LRRK2: variants seen among roughly 807,000 people sequenced by gnomAD.
The protein encoded by LRRK2 is leucine rich repeat kinase 2.
Under a neutral mutation model 302.6 loss-of-function variants are expected in LRRK2, and 203 were observed. The observed-to-expected ratio is 0.67, with a 90% CI of 0.60 to 0.75. The LOEUF is 0.75. LRRK2 is among the 30% of genes least tolerant of loss of function. The pLI is 0.00. For synonymous variants in LRRK2, 1,066 were observed against 1,031.9 expected, an observed-to-expected ratio of 1.03 and a Z score of -0.63; for missense variants, 2,830 against 2,951.0, an observed-to-expected ratio of 0.96 and a Z score of 0.95.
At chr12:40,296,058 T>C (rs1451999597) in intron 23 of LRRK2, among the ~76,000 whole-genome samples, 1 of 152,230 alleles carries the variant, frequency 6.6e-6, no homozygotes, top group Non-Finnish European at 1.5e-5. Flanking sequence ...CTCCGCCTGC[T>C]CTAATCCTTC....
chr12:40,232,777 T>C (rs2136397991), intron 3 of LRRK2: 1 of 167,206 alleles, frequency 6.0e-6, no homozygotes, highest in African/African-American at 2.4e-5. Flanking sequence ...AAGTAGTAAT[T>C]TGAAAGTTGA....
intron 7 of LRRK2, among the ~76,000 whole-genome samples, chr12:40,247,840 G>T (rs868185661): frequency 6.8e-6 from 1 of 147,788 alleles, no homozygotes. Context: ...TTTTTGATAC[G>T]TACAACTATC....
At position 40,346,934 on chromosome 12, in the gene LRRK2, T is replaced by C. The variant is rs539299229; in HGVS notation, c.6280+11T>C. The stretch of plus-strand genomic sequence containing the variant: ...AAGGAAAATTACCTGGTAAGTTCTG[T>C]TTTCTCTACAATGAAGATTTTTTTT... On this transcript the variant is annotated intron_variant, in intron 42 of 50. Transcript: ENST00000298910. The C allele has an allele frequency of 8.1e-6, 13 of 1,604,392 alleles. 1 individual carries two copies. The highest frequency in any genetic ancestry group is 2.0e-4 in the Middle Eastern group (1 of 5,126).
intron 2 of LRRK2, among the ~76,000 whole-genome samples, chr12:40,226,825 C>G (rs2136372051): frequency 6.6e-6 from 1 of 152,246 alleles, no homozygotes; most frequent in Admixed American, 6.5e-5. Flanking sequence ...CTGCTCTGCA[C>G]CCACGTCATC....
chr12:40,277,539 G>A (rs993328909), intron 16 of LRRK2, among the ~76,000 whole-genome samples: 1 of 152,132 alleles, frequency 6.6e-6, no homozygotes, highest in African/African-American at 2.4e-5. Context: ...TAGTTCTGCT[G>A]ATCCAACCGC....
chr12:40,252,126 G>A (rs1382914591), intron 10 of LRRK2, among the ~76,000 whole-genome samples: 1 of 152,138 alleles, frequency 6.6e-6, no homozygotes, highest in African/African-American at 2.4e-5. Flanking sequence ...TGCATATCAG[G>A]TTTGTTTCAT....
chr12:40,359,279 T>G lies in LRRK2; in HGVS notation c.6863T>G (p.Leu2288Trp). Residue 2288 changes from leucine to tryptophan, a missense_variant, in exon 47 of 51, where the codon TTG (leucine) becomes TGG (tryptophan). By Grantham distance (61) the Leu-to-Trp change is moderately conservative. Transcript: ENST00000298910. ...KTVKLKGAAP[L>W]KILNIGNVST... is the part of the protein sequence containing the mutation. ...GCAAAGCTTAAAGGAGCTGCTCCTT[T>G]GAAGATACTAAATATAGGAAATGTC... The G allele has an allele frequency of 6.2e-7, 1 of 1,612,718 alleles. No individual in the cohort carries two copies. The highest frequency in any genetic ancestry group is 8.5e-7 in the Non-Finnish European group (1 of 1,179,358).
rs146948714 is a variant in LRRK2, at chr12:40,298,345, C to A, written c.3199C>A (p.Arg1067=). ...TTGTATTGCTAATCTTGATGTCTCTCGAAATGACATTGGACCCTCAGTGGT... is the reference window on the plus strand; with the variant it reads ...TTGTATTGCTAATCTTGATGTCTCTAGAAATGACATTGGACCCTCAGTGGT... ...MSCIANLDVS[R]NDIGPSVVLD... is the part of the protein sequence containing the mutation. The change falls in exon 24 of 51, where the codon CGA becomes AGA. Residue 1067 remains arginine, a synonymous_variant. Transcript: ENST00000298910. The A allele has an allele frequency of 5.0e-6, 8 of 1,613,714 alleles. No individual in the cohort carries two copies. The African/African-American group carries it at 5.3e-5, about 11-fold the overall frequency.
Position 40,225,035 on chromosome 12 carries a change from A to T in LRRK2, c.-97A>T, listed in dbSNP as rs960876110. 1 of 1,521,076 alleles carries T rather than the reference A, an allele frequency of 6.6e-7. No homozygotes were observed. The highest frequency in any genetic ancestry group is 9.0e-7 in the Non-Finnish European group (1 of 1,113,016). 94.2% of individuals were successfully genotyped at this position (1,521,076 alleles called of 1,614,324 possible). A position where few individuals can be genotyped will look rare whatever the true frequency, so the allele number is the denominator to read the frequency against. On this transcript the variant is annotated 5_prime_UTR_variant, in exon 1 of 51. Coordinates refer to ENST00000298910, the MANE Select transcript of LRRK2 (RefSeq NM_198578.4). ...AGCGCTGGCTGCGGGCGGTGAGCTG[A>T]GCTCGCCCCCGGGGAGCTGTGGCCG...
intron 44 of LRRK2, among the ~76,000 whole-genome samples, chr12:40,351,973 G>A (rs1946366236): frequency 6.6e-6 from 1 of 152,190 alleles, no homozygotes; most frequent in Non-Finnish European, 1.5e-5. Flanking sequence ...TAAGGAAAGA[G>A]AATCTTAGAG....
At chr12:40,299,002 T>C in intron 24 of LRRK2, 107 bp from the exon 25 acceptor site, 5 of 1,031,632 alleles carry the variant, frequency 4.8e-6, no homozygotes, top group Non-Finnish European at 5.5e-6. Flanking sequence ...TTTAAATTAA[T>C]GAGTCCTCTT....
chr12:40,294,413 T>G (rs1944298656), intron 21 of LRRK2, among the ~76,000 whole-genome samples: 1 of 152,054 alleles, frequency 6.6e-6, no homozygotes, highest in African/African-American at 2.4e-5. Flanking sequence ...AGCTGAGTAC[T>G]AAAAATATGA....
chr12:40,292,492 A>G (rs1944198342), intron 20 of LRRK2, among the ~76,000 whole-genome samples: 1 of 151,302 alleles, frequency 6.6e-6, no homozygotes, highest in Non-Finnish European at 1.5e-5. Flanking sequence ...TCACACACAT[A>G]TAAAGTGGGA....
At chr12:40,257,922 C>T (rs1390098709) in intron 12 of LRRK2, among the ~76,000 whole-genome samples, 1 of 144,710 alleles carries the variant, frequency 6.9e-6, no homozygotes, top group Non-Finnish European at 1.5e-5. Flanking sequence ...GGTGGTGGGG[C>T]AGGGTGGGAT....
rs185539456 is a variant in LRRK2, at chr12:40,231,331, T to C, written c.238-943T>C. 5.7e-3 allele frequency among the ~76,000 whole-genome samples: 856 copies of C among 149,758 alleles called. 7 individuals are homozygous for C. The highest frequency in any genetic ancestry group is 0.035 in the Middle Eastern group (10 of 288). ...ACTTTGAGAGGCCAAGTCAGGAGGA[T>C]TGCTTGAGCCCAGGAGCTTGAGACC... On this transcript the variant is annotated intron_variant, in intron 2 of 50. Coordinates refer to ENST00000298910, the MANE Select transcript of LRRK2 (RefSeq NM_198578.4).
intron 46 of LRRK2, among the ~76,000 whole-genome samples, chr12:40,357,373 T>A (rs908624050): frequency 6.9e-6 from 1 of 144,604 alleles, no homozygotes; most frequent in African/African-American, 2.5e-5. Flanking sequence ...CTTTTTTTTT[T>A]AGCTATTGTG....
chr12:40,250,176 G>A (rs1942189950), intron 8 of LRRK2, among the ~76,000 whole-genome samples: 1 of 152,158 alleles, frequency 6.6e-6, no homozygotes, highest in Admixed American at 6.6e-5. Flanking sequence ...TTGTCATTAA[G>A]CAGCTAATCT....
At chr12:40,261,337 T>G (rs187221710) in intron 13 of LRRK2, among the ~76,000 whole-genome samples, 4 of 152,242 alleles carry the variant, frequency 2.6e-5, no homozygotes, top group East Asian at 3.9e-4. Flanking sequence ...ATAATACTCT[T>G]TTAGTCCAAA....
At chr12:40,246,581 T>G in intron 7 of LRRK2, among the ~76,000 whole-genome samples, 1 of 152,182 alleles carries the variant, frequency 6.6e-6, no homozygotes, top group Non-Finnish European at 1.5e-5. Context: ...GCTGACTGCC[T>G]GTCAGTTGCG....
Sources: allele counts gnomAD v4.1 joint callset (sites outside exome capture counted in the v4.1 genomes callset), GRCh38; gene constraint gnomAD v4.1.1; transcripts MANE v1.5; gene names NCBI Gene and HGNC (gene_info 2026-07-23, HGNC 2026-07-21).